The following UMAD1 variants were observed in gnomAD, a reference collection of about 807,000 sequenced individuals.
UMAD1 encodes UBAP1-MVB12-associated (UMA)-domain containing protein 1.
In UMAD1, 8 loss-of-function variants were observed where a neutral mutation model predicts 6.1. The observed-to-expected ratio is 1.30, with a 90% CI of 0.76 to 2.35. The LOEUF (loss-of-function observed/expected upper bound fraction) is 2.35, where lower values mean the gene tolerates loss of function less well. Among genes scored for constraint, UMAD1 ranks in the 30% most tolerant of loss-of-function variants. The pLI, the probability that UMAD1 is intolerant of heterozygous loss-of-function variation, is 0.00. For missense variants in UMAD1, 130 were observed against 78.4 expected, an observed-to-expected ratio of 1.66 and a Z score of -2.49; for synonymous variants, 56 against 31.4, an observed-to-expected ratio of 1.78 and a Z score of -2.61.
At chr7:7,833,578 G>T (rs1225766166) in intron 3 of UMAD1, among the ~76,000 whole-genome samples, 1 of 152,150 alleles carries the variant, frequency 6.6e-6, no homozygotes, top group Non-Finnish European at 1.5e-5. Context: ...ATTAAAATAG[G>T]TTGTCAGGAA....
intron 3 of UMAD1, among the ~76,000 whole-genome samples, chr7:7,813,287 C>T (rs1242094040): frequency 6.6e-6 from 1 of 152,152 alleles, no homozygotes; most frequent in Non-Finnish European, 1.5e-5. Flanking sequence ...TCACTGCAAC[C>T]TCCACCTCCT....
At chr7:7,833,416 A>T (rs983113193) in intron 3 of UMAD1, among the ~76,000 whole-genome samples, 2 of 151,920 alleles carry the variant, frequency 1.3e-5, no homozygotes, top group Admixed American at 6.6e-5. Flanking sequence ...ACCGAGGGGG[A>T]TTCAGAGATG....
intron 2 of UMAD1, among the ~76,000 whole-genome samples, chr7:7,695,971 G>A (rs1459945682): frequency 9.1e-5 from 13 of 142,762 alleles, no homozygotes; most frequent in Non-Finnish European, 1.7e-4. Flanking sequence ...ACCCTACTGT[G>A]TATATCTCCG....
chr7:7,776,278 T>C (rs1782205732), intron 2 of UMAD1, among the ~76,000 whole-genome samples: 1 of 152,152 alleles, frequency 6.6e-6, no homozygotes, highest in Non-Finnish European at 1.5e-5. Context: ...TTGGGCAACA[T>C]GGCAAGACCC....
chr7:7,643,417 T>A (rs1221883572), intron 1 of UMAD1, among the ~76,000 whole-genome samples: 1 of 152,132 alleles, frequency 6.6e-6, no homozygotes, highest in African/African-American at 2.4e-5. Context: ...CTTGTAAAAG[T>A]CCTAGGATCA....
At chr7:7,764,651 T>C (rs967588869) in intron 2 of UMAD1, among the ~76,000 whole-genome samples, 1 of 152,226 alleles carries the variant, frequency 6.6e-6, no homozygotes, top group Non-Finnish European at 1.5e-5. Context: ...AGTGCCGGAA[T>C]TGATTGGAAG....
chr7:7,753,576 T>C (rs1302964921), intron 2 of UMAD1, among the ~76,000 whole-genome samples: 1 of 152,234 alleles, frequency 6.6e-6, no homozygotes, highest in African/African-American at 2.4e-5. Context: ...CTTCCAGTTC[T>C]ATCCATGTAG....
At chr7:7,798,217 T>C (rs1223321985) in intron 2 of UMAD1, among the ~76,000 whole-genome samples, 1 of 152,174 alleles carries the variant, frequency 6.6e-6, no homozygotes, top group African/African-American at 2.4e-5. Flanking sequence ...TCTGACCCTT[T>C]ACAAAAAAAA....
intron 1 of UMAD1, among the ~76,000 whole-genome samples, chr7:7,672,965 A>G (rs1026152754): frequency 2.6e-5 from 4 of 152,116 alleles, no homozygotes; most frequent in Non-Finnish European, 4.4e-5. Flanking sequence ...ATTTTTTCCT[A>G]TCACCCAAAC....
intron 2 of UMAD1, among the ~76,000 whole-genome samples, chr7:7,787,245 T>C (rs1440368253): frequency 6.6e-6 from 1 of 151,656 alleles, no homozygotes; most frequent in African/African-American, 2.4e-5. Flanking sequence ...GTTTAAAGTA[T>C]ATAAACCATA....
intron 2 of UMAD1, among the ~76,000 whole-genome samples, chr7:7,696,778 T>C (rs1780329321): frequency 6.6e-6 from 1 of 152,170 alleles, no homozygotes; most frequent in African/African-American, 2.4e-5. Context: ...TTATTAACTC[T>C]ATAGGTAGGG....
intron 3 of UMAD1, among the ~76,000 whole-genome samples, chr7:7,876,513 AG>A (rs1158221027): frequency 6.6e-6 from 1 of 152,172 alleles, no homozygotes; most frequent in African/African-American, 2.4e-5. Flanking sequence ...AATAAATTTC[AG>A]TTTATTATCC....
intron 3 of UMAD1, among the ~76,000 whole-genome samples, chr7:7,811,557 T>C (rs2115284536): frequency 6.6e-6 from 1 of 152,300 alleles, no homozygotes. Context: ...TCTTAGTCCA[T>C]GAAGTCGATG....
At chr7:7,785,968 C>G (rs777097135) in intron 2 of UMAD1, among the ~76,000 whole-genome samples, 1 of 152,174 alleles carries the variant, frequency 6.6e-6, no homozygotes, top group Non-Finnish European at 1.5e-5. Flanking sequence ...CTACTCCTCT[C>G]ATTTATTTTT....
chr7:7,660,350 C>A (rs186790765), intron 1 of UMAD1, among the ~76,000 whole-genome samples: 6 of 152,178 alleles, frequency 3.9e-5, no homozygotes, highest in Admixed American at 3.3e-4. Flanking sequence ...CATTATTATG[C>A]CAGCTGGTTA....
intron 2 of UMAD1, among the ~76,000 whole-genome samples, chr7:7,780,934 G>C (rs957466164): frequency 8.6e-5 from 13 of 151,904 alleles, no homozygotes; most frequent in Non-Finnish European, 1.5e-5. Flanking sequence ...CATCATTTTT[G>C]CCAGGTTTTC....
chr7:7,839,498 T>G (rs1426556740), intron 3 of UMAD1, among the ~76,000 whole-genome samples: 4 of 152,218 alleles, frequency 2.6e-5, no homozygotes, highest in African/African-American at 9.7e-5. Flanking sequence ...GAACACTTTT[T>G]TTTGAGCCTT....
chr7:7,811,995 C>G (rs376220961), intron 3 of UMAD1, among the ~76,000 whole-genome samples: 3 of 152,250 alleles, frequency 2.0e-5, no homozygotes, highest in East Asian at 3.9e-4. Flanking sequence ...AAACTTACAG[C>G]CTGCTTCTCA....
chr7:7,768,501 T>C (rs141448182), intron 2 of UMAD1, among the ~76,000 whole-genome samples: 56 of 152,332 alleles, frequency 3.7e-4, no homozygotes, highest in African/African-American at 1.2e-3. Context: ...ACTTTCTTCT[T>C]CTGCCTATGC....
Sources: gnomAD v4.1 joint callset for allele counts (sites outside exome capture counted in the v4.1 genomes callset) on GRCh38, gnomAD v4.1.1 for gene constraint, MANE v1.5 for transcripts, NCBI Gene and HGNC (gene_info 2026-07-23, HGNC 2026-07-21) for gene names.